The following RORA variants were observed in gnomAD, a reference collection of about 807,000 sequenced individuals.
RORA encodes the protein nuclear receptor ROR-alpha.
A neutral mutation model predicts 69.5 loss-of-function variants in RORA; 7 were observed. The ratio of observed to expected loss-of-function variants is 0.10; its 90% CI spans 0.06 to 0.19. The LOEUF (loss-of-function observed/expected upper bound fraction) is 0.19. Among genes scored for constraint, RORA ranks in the 10% least tolerant of loss-of-function variants. The pLI is 1.00. For synonymous variants in RORA, 261 were observed against 240.8 expected, an observed-to-expected ratio of 1.08 and a Z score of -0.78; for missense variants, 457 against 663.0, an observed-to-expected ratio of 0.69 and a Z score of 3.41.
At chr15:60,515,935 ATATTTATATATATTTATATATT>A (rs1567050716) in intron 3 of RORA, among the ~76,000 whole-genome samples, 25 of 17,252 alleles carry the variant, frequency 1.4e-3, no homozygotes, top group Non-Finnish European at 1.9e-3. Context: ...ATTTATATAT[ATATTTATATATATTTATATATT>A]TATATTTATA....
At position 60,627,208 on chromosome 15, in the gene RORA, A is replaced by G. The variant is rs1238849397; in HGVS notation, c.196+51449T>C. 2.5e-6 allele frequency: 4 copies of G among 1,609,010 alleles called. No individual in the cohort carries two copies. The South Asian group carries it at 3.3e-5, about 13-fold the overall frequency. Reference sequence around the variant, plus strand: ...GGGGAGGGTACACAGTGATCAGCAGAGCAAAGAACTTGCTCTCAGTGGCTC... The same window carrying G: ...GGGGAGGGTACACAGTGATCAGCAGGGCAAAGAACTTGCTCTCAGTGGCTC... On this transcript the variant is annotated intron_variant, in intron 2 of 10. Transcript: ENST00000335670.
chr15:60,783,357 AAATT>A (rs758690650), intron 1 of RORA, among the ~76,000 whole-genome samples: 3 of 152,160 alleles, frequency 2.0e-5, no homozygotes, highest in Non-Finnish European at 4.4e-5. Flanking sequence ...TTCTATTTAA[AAATT>A]AATTAAATTT....
intron 1 of RORA, among the ~76,000 whole-genome samples, chr15:61,109,194 C>CA (rs2078979990): frequency 6.6e-6 from 1 of 151,962 alleles, no homozygotes; most frequent in Non-Finnish European, 1.5e-5. Context: ...GACTTCCTCT[C>CA]AAAAAAATAA....
rs1273921275 is a variant in RORA, at chr15:61,154,217, CT to C, written c.166+74835del. On this transcript the variant is annotated intron_variant, in intron 1 of 10. Coordinates refer to ENST00000335670, the MANE Select transcript of RORA (RefSeq NM_134261.3). ...CTCTTTGGGGTCTTTGACTGACATT[CT>C]TTTTCTTGGCATTTCCTATTTGTGG... Among the ~76,000 whole-genome samples the C allele has an allele frequency of 2.0e-5, 3 of 152,078 alleles. No homozygotes were observed. In the East Asian group the frequency reaches 5.8e-4, roughly 29 times the overall value.
chr15:60,823,243 G>T (rs576995264), intron 1 of RORA, among the ~76,000 whole-genome samples: 1 of 151,848 alleles, frequency 6.6e-6, no homozygotes, highest in South Asian at 2.1e-4. Context: ...AGGCTGGAGT[G>T]CAATGGTGCA....
chr15:60,888,732 G>A lies in RORA; in HGVS notation c.167-210046C>T, dbSNP rs116585779. Among the ~76,000 whole-genome samples the A allele has an allele frequency of 6.8e-3, 1,034 of 152,286 alleles. 12 individuals are homozygous for A. The highest frequency in any genetic ancestry group is 0.024 in the African/African-American group (979 of 41,564). On this transcript the variant is annotated intron_variant, in intron 1 of 10. Transcript: ENST00000335670. The stretch of plus-strand genomic sequence containing the variant: ...GATTCTCTTTCCCTTTAAGACATCA[G>A]GCGGGTGCTTGTCAATTAGAGTGAG...
In RORA at chr15:61,218,293, G is replaced by A. The variant is rs559657430; in HGVS notation, c.166+10760C>T. Among the ~76,000 whole-genome samples, 210 of 151,888 alleles carry A rather than the reference G, an allele frequency of 1.4e-3. 1 individual carries two copies. The highest frequency in any genetic ancestry group is 4.8e-3 in the African/African-American group (199 of 41,388). ...AAAGATATCGCCCTGAGAGGCAAGC[G>A]GTTCCAGTGTTAGGACCTGTAATAT... On this transcript the variant is annotated intron_variant, in intron 1 of 10. Transcript: ENST00000335670.
chr15:60,841,844 G>A (rs955486947), intron 1 of RORA, among the ~76,000 whole-genome samples: 2 of 152,178 alleles, frequency 1.3e-5, no homozygotes, highest in African/African-American at 4.8e-5. Context: ...TGTATCTGGT[G>A]TAAAACAGCC....
At chr15:61,037,193 T>G (rs143679414) in intron 1 of RORA, among the ~76,000 whole-genome samples, 1 of 152,142 alleles carries the variant, frequency 6.6e-6, no homozygotes, top group African/African-American at 2.4e-5. Flanking sequence ...TTGAAAAATA[T>G]GTAAAGTACT....
chr15:60,542,796 A>G (rs948930790), intron 2 of RORA, among the ~76,000 whole-genome samples: 3 of 151,666 alleles, frequency 2.0e-5, no homozygotes, highest in African/African-American at 7.3e-5. Context: ...TCCTGCCTCC[A>G]CTTGCTGAGA....
intron 2 of RORA, among the ~76,000 whole-genome samples, chr15:60,663,750 T>C (rs977687353): frequency 2.6e-5 from 4 of 152,184 alleles, no homozygotes; most frequent in Admixed American, 6.5e-5. Context: ...CCACCACACC[T>C]GGCCACAATA....
At chr15:60,868,044 T>G (rs928621210) in intron 1 of RORA, among the ~76,000 whole-genome samples, 1 of 152,214 alleles carries the variant, frequency 6.6e-6, no homozygotes, top group African/African-American at 2.4e-5. Flanking sequence ...TTTCCCCAAA[T>G]AGCTCTTAAA....
At chr15:60,772,372 C>G (rs1041180919) in intron 1 of RORA, among the ~76,000 whole-genome samples, 1 of 150,656 alleles carries the variant, frequency 6.6e-6, no homozygotes, top group African/African-American at 2.4e-5. Flanking sequence ...GGTACTAAGT[C>G]TTGGTCACTG....
intron 1 of RORA, among the ~76,000 whole-genome samples, chr15:60,776,927 A>G (rs771115490): frequency 4.4e-4 from 67 of 152,268 alleles, no homozygotes; most frequent in Middle Eastern, 3.4e-3. Flanking sequence ...TCTTGTATTT[A>G]CTGCTAATTG....
chr15:61,030,339 G>T (rs1896094340), intron 1 of RORA, among the ~76,000 whole-genome samples: 1 of 152,176 alleles, frequency 6.6e-6, no homozygotes, highest in Non-Finnish European at 1.5e-5. Flanking sequence ...GTATATGCAG[G>T]AGAATATCCT....
chr15:60,611,275 A>G (rs988517919), intron 2 of RORA, among the ~76,000 whole-genome samples: 4 of 152,078 alleles, frequency 2.6e-5, no homozygotes, highest in Non-Finnish European at 5.9e-5. Flanking sequence ...AGGAGTGGCT[A>G]GACCCTTGTT....
intron 1 of RORA, among the ~76,000 whole-genome samples, chr15:61,126,537 G>A (rs1421534791): frequency 6.6e-6 from 1 of 152,072 alleles, no homozygotes; most frequent in African/African-American, 2.4e-5. Flanking sequence ...AATGACTACT[G>A]TATAGGGACA....
chr15:61,067,246 A>T (rs7403761), intron 1 of RORA, among the ~76,000 whole-genome samples: 115,143 of 151,600 alleles, frequency 0.76, 44,200 homozygotes, highest in African/African-American at 0.86. Flanking sequence ...TGAGTAGCTA[A>T]GATTACAGGC....
chr15:60,965,615 A>T (rs1230291578), intron 1 of RORA, among the ~76,000 whole-genome samples: 1 of 152,208 alleles, frequency 6.6e-6, no homozygotes, highest in Non-Finnish European at 1.5e-5. Context: ...TTCAATAAAC[A>T]TGACATCAAG....
Sources: gnomAD v4.1 joint callset for allele counts (sites outside exome capture counted in the v4.1 genomes callset) on GRCh38, gnomAD v4.1.1 for gene constraint, MANE v1.5 for transcripts, NCBI Gene and HGNC (gene_info 2026-07-23, HGNC 2026-07-21) for gene names.